The following MAGI2 variants were observed in gnomAD, a reference collection of about 807,000 sequenced individuals.
The protein encoded by MAGI2 is membrane-associated guanylate kinase, WW and PDZ domain-containing protein 2.
MAGI2 carries 35 observed loss-of-function variants against 133.3 expected under a neutral mutation model. That is an observed-to-expected ratio of 0.26 (90% CI 0.20 to 0.35). The LOEUF (loss-of-function observed/expected upper bound fraction) is 0.35. Ranked by LOEUF, MAGI2 falls within the 10% of genes least tolerant of loss-of-function variation. MAGI2 has a pLI of 1.00. For synonymous variants in MAGI2, 729 were observed against 710.6 expected, an observed-to-expected ratio of 1.03 and a Z score of -0.41; for missense variants, 1,636 against 1,863.4, an observed-to-expected ratio of 0.88 and a Z score of 2.25.
intron 6 of MAGI2, among the ~76,000 whole-genome samples, chr7:78,408,967 T>C (rs2151373161): frequency 6.6e-6 from 1 of 152,176 alleles, no homozygotes; most frequent in East Asian, 1.9e-4. Flanking sequence ...TTAGAAGGCA[T>C]GAGAGTAGAG....
At chr7:79,026,153 T>C (rs1809861030) in intron 1 of MAGI2, among the ~76,000 whole-genome samples, 2 of 152,176 alleles carry the variant, frequency 1.3e-5, no homozygotes, top group African/African-American at 2.4e-5. Context: ...CTAAGCCAGA[T>C]ATGGGAAAAA....
intron 2 of MAGI2, among the ~76,000 whole-genome samples, chr7:78,665,524 A>G (rs1585018177): frequency 6.6e-6 from 1 of 151,940 alleles, no homozygotes; most frequent in East Asian, 1.9e-4. Flanking sequence ...GAAGTGGTCC[A>G]AGGCTTTAAT....
At chr7:78,399,614 G>A (rs1796665731) in intron 6 of MAGI2, among the ~76,000 whole-genome samples, 1 of 151,998 alleles carries the variant, frequency 6.6e-6, no homozygotes, top group Non-Finnish European at 1.5e-5. Context: ...AGACCACCCT[G>A]GCCAACATGG....
At chr7:78,786,101 C>T (rs1208433795) in intron 2 of MAGI2, among the ~76,000 whole-genome samples, 1 of 151,892 alleles carries the variant, frequency 6.6e-6, no homozygotes, top group Admixed American at 6.6e-5. Flanking sequence ...TAGATTCTTC[C>T]CTCTCTGTTA....
intron 1 of MAGI2, among the ~76,000 whole-genome samples, chr7:79,443,447 A>G (rs1848632451): frequency 6.6e-6 from 1 of 152,122 alleles, no homozygotes; most frequent in South Asian, 2.1e-4. Context: ...ACTTCACAAA[A>G]AGCAACATTG....
At chr7:79,214,300 A>G (rs1292585348) in intron 1 of MAGI2, among the ~76,000 whole-genome samples, 4 of 147,584 alleles carry the variant, frequency 2.7e-5, no homozygotes, top group Admixed American at 6.8e-5. Flanking sequence ...GCCATTTTAA[A>G]TAGGTTTACT....
intron 2 of MAGI2, among the ~76,000 whole-genome samples, chr7:78,693,654 C>T (rs754871710): frequency 2.0e-5 from 3 of 152,096 alleles, no homozygotes; most frequent in Non-Finnish European, 4.4e-5. Context: ...AGATTGTTGC[C>T]TTCTGCCTTT....
chr7:78,330,538 A>AC lies in MAGI2; in HGVS notation c.1408+13239dup, dbSNP rs535452107. 2.9e-4 allele frequency among the ~76,000 whole-genome samples: 23 copies of AC among 78,624 alleles called. 2 individuals are homozygous for AC. In the East Asian group the frequency reaches 6.0e-3, roughly 21 times the overall value. The allele number at this position is 78,624 out of a possible 152,430, so 51.6% of individuals were successfully genotyped here. On this transcript the variant is annotated intron_variant, in intron 9 of 21. Coordinates refer to ENST00000354212, the MANE Select transcript of MAGI2 (RefSeq NM_012301.4). ...AGGCTGAGGCAGGAGAATGGCGTGA[A>AC]CCCCAGGGGGCGGAGCCTGCAGTGA...
intron 6 of MAGI2, among the ~76,000 whole-genome samples, chr7:78,455,595 A>C (rs1789223469): frequency 1.3e-5 from 2 of 152,192 alleles, no homozygotes; most frequent in African/African-American, 4.8e-5. Flanking sequence ...TATTTTAATG[A>C]AAATAAAAAT....
chr7:78,760,372 T>TC, intron 2 of MAGI2, among the ~76,000 whole-genome samples: 1 of 147,940 alleles, frequency 6.8e-6, no homozygotes, highest in Non-Finnish European at 1.5e-5. Context: ...TTTTTTTTTT[T>TC]TTTTTTTGAG....
At chr7:79,281,729 T>C (rs1835657462) in intron 1 of MAGI2, among the ~76,000 whole-genome samples, 1 of 152,188 alleles carries the variant, frequency 6.6e-6, no homozygotes, top group South Asian at 2.1e-4. Flanking sequence ...ATGCTTGATG[T>C]GTTCCAAATA....
chr7:78,314,644 T>A (rs1787218621), intron 9 of MAGI2, among the ~76,000 whole-genome samples: 1 of 152,198 alleles, frequency 6.6e-6, no homozygotes, highest in Admixed American at 6.5e-5. Flanking sequence ...TCTGAGTTGA[T>A]TGTTTTTCAG....
chr7:79,031,020 A>C, intron 1 of MAGI2, among the ~76,000 whole-genome samples: 1 of 152,262 alleles, frequency 6.6e-6, no homozygotes, highest in South Asian at 2.1e-4. Context: ...CATCTGAACA[A>C]CTAGCACCTT....
At chr7:79,397,712 AT>A (rs1458353683) in intron 1 of MAGI2, among the ~76,000 whole-genome samples, 2 of 152,130 alleles carry the variant, frequency 1.3e-5, no homozygotes, top group Non-Finnish European at 2.9e-5. Flanking sequence ...CTTAAAAACA[AT>A]TATTTTGCTT....
rs991198365 is a variant in MAGI2 at position 78,992,844 on chromosome 7, T to C, written c.418+14246A>G. ...TCTGGTCACAGATGGGCCTTAGTGA[T>C]GAAAGCATTTTACTTTTTTCAAACT... On this transcript the variant is annotated intron_variant, in intron 2 of 21. Transcript: ENST00000354212. Among the ~76,000 whole-genome samples the C allele has an allele frequency of 7.2e-5, 11 of 152,032 alleles. 2 individuals carry two copies. Among genetic ancestry groups the C allele is most frequent in the Admixed American group, 6.6e-4 (10 of 15,218 alleles).
chr7:78,021,049 CT>C (rs200496909), intron 21 of MAGI2, among the ~76,000 whole-genome samples: 3 of 151,002 alleles, frequency 2.0e-5, no homozygotes, highest in Non-Finnish European at 4.4e-5. Flanking sequence ...TGAGAGATGA[CT>C]TTTTTTTTAA....
intron 2 of MAGI2, among the ~76,000 whole-genome samples, chr7:78,680,129 CT>C (rs1815489312): frequency 6.6e-6 from 1 of 152,084 alleles, no homozygotes; most frequent in Non-Finnish European, 1.5e-5. Context: ...TATCACAGTC[CT>C]TTCTTGATGA....
At chr7:78,891,553 G>A (rs1022461195) in intron 2 of MAGI2, among the ~76,000 whole-genome samples, 14 of 152,268 alleles carry the variant, frequency 9.2e-5, no homozygotes, top group Admixed American at 2.0e-4. Context: ...CTTTATCCCT[G>A]GGATGCAAGA....
chr7:79,292,642 AT>A (rs778205874), intron 1 of MAGI2, among the ~76,000 whole-genome samples: 4 of 151,670 alleles, frequency 2.6e-5, no homozygotes, highest in South Asian at 2.1e-4. Flanking sequence ...CCAAAAAAAA[AT>A]AAAAGAAAAA....
Sources: allele counts gnomAD v4.1 joint callset (sites outside exome capture counted in the v4.1 genomes callset), GRCh38; gene constraint gnomAD v4.1.1; transcripts MANE v1.5; gene names NCBI Gene and HGNC (gene_info 2026-07-23, HGNC 2026-07-21).